Variants in LIPC observed in about 807,000 individuals in gnomAD.
The protein encoded by LIPC is lipase C, hepatic type.
Under a neutral mutation model 50.7 loss-of-function variants are expected in LIPC, and 44 were observed. That is an observed-to-expected ratio of 0.87 (90% CI 0.68 to 1.11). The LOEUF is 1.11. Ranked by LOEUF, LIPC falls within the 50% of genes most tolerant of loss-of-function variation. The pLI, the probability that LIPC is intolerant of heterozygous loss-of-function variation, is 0.00. For synonymous variants in LIPC, 271 were observed against 256.4 expected, an observed-to-expected ratio of 1.06 and a Z score of -0.54; for missense variants, 697 against 648.2, an observed-to-expected ratio of 1.08 and a Z score of -0.82.
At chr15:58,560,720 A>G in intron 6 of LIPC, 144 bp from the exon 7 acceptor site, 1 of 600,292 alleles carries the variant, frequency 1.7e-6, no homozygotes, top group Non-Finnish European at 3.0e-6. Context: ...ACCACCATTT[A>G]GGAGCAAAAA....
chr15:58,515,524 A>G (rs1268257604), intron 1 of LIPC, among the ~76,000 whole-genome samples: 9 of 6,926 alleles, frequency 1.3e-3, no homozygotes, highest in Non-Finnish European at 3.5e-3. Flanking sequence ...GTCTTTGCAT[A>G]TACACACACA....
chr15:58,448,775 C>A (rs1260311775), intron 1 of LIPC, among the ~76,000 whole-genome samples: 1 of 152,220 alleles, frequency 6.6e-6, no homozygotes, highest in East Asian at 1.9e-4. Flanking sequence ...CATCACACAG[C>A]TAATATGGAT....
intron 1 of LIPC, among the ~76,000 whole-genome samples, chr15:58,467,238 A>T (rs1171255464): frequency 6.6e-6 from 1 of 152,132 alleles, no homozygotes; most frequent in Admixed American, 6.6e-5. Context: ...TGATCACCTG[A>T]CCCACTCATC....
In LIPC at chr15:58,554,982, A is replaced by G. The variant is rs374211696; in HGVS notation, c.1052-5882A>G. 2.6e-5 allele frequency among the ~76,000 whole-genome samples: 4 copies of G among 152,316 alleles called. No individual in the cohort carries two copies. In the South Asian group the frequency reaches 8.3e-4, roughly 32 times the overall value. ...CGTTCCCTGGTGAGCCTCAGAAAGC[A>G]TGCTGGCTTGGCTCTTCACAGCCCA... is the stretch of plus-strand genomic sequence containing the variant. On this transcript the variant is annotated intron_variant, in intron 6 of 8. Coordinates refer to ENST00000299022, the MANE Select transcript of LIPC (RefSeq NM_000236.3).
chr15:58,495,693 A>G (rs1403432267), intron 1 of LIPC, among the ~76,000 whole-genome samples: 1 of 152,220 alleles, frequency 6.6e-6, no homozygotes, highest in Non-Finnish European at 1.5e-5. Flanking sequence ...GCCAGGATTC[A>G]TGCCCAAGCA....
At chr15:58,499,828 G>A (rs1340752095) in intron 1 of LIPC, among the ~76,000 whole-genome samples, 1 of 152,180 alleles carries the variant, frequency 6.6e-6, no homozygotes, top group East Asian at 1.9e-4. Context: ...GGAAAACTGT[G>A]TCCTGGGGAG....
chr15:58,463,668 G>A (rs1010634349), intron 1 of LIPC, among the ~76,000 whole-genome samples: 8 of 152,064 alleles, frequency 5.3e-5, no homozygotes, highest in Non-Finnish European at 1.0e-4. Flanking sequence ...GTATTCACCC[G>A]CTCCACTCCC....
chr15:58,561,012 T>C lies in LIPC; in HGVS notation c.1169+31T>C, dbSNP rs77010273. 69,386 of 888,378 alleles carry C rather than the reference T, an allele frequency of 0.078. 3,929 individuals carry two copies. Among genetic ancestry groups the C allele is most frequent in the East Asian group, 0.31 (12,371 of 39,884 alleles). The allele number at this position is 888,378 out of a possible 1,614,324, so 55.0% of individuals were successfully genotyped here. On this transcript the variant is annotated intron_variant, in intron 7 of 8. Coordinates refer to ENST00000299022, the MANE Select transcript of LIPC (RefSeq NM_000236.3). ...TAGGAGGTGTAGCCCCCTAGGGTGA[T>C]GACACACTTATTTTTCTTGCAGAAC...
intron 6 of LIPC, among the ~76,000 whole-genome samples, chr15:58,550,659 T>C (rs1213678251): frequency 6.6e-6 from 1 of 151,978 alleles, no homozygotes; most frequent in Non-Finnish European, 1.5e-5. Flanking sequence ...AGACCACATT[T>C]GTGTCTCTTT....
At chr15:58,554,268 G>C (rs1335734050) in intron 6 of LIPC, among the ~76,000 whole-genome samples, 1 of 152,134 alleles carries the variant, frequency 6.6e-6, no homozygotes, top group Admixed American at 6.6e-5. Flanking sequence ...GCTGTAAATG[G>C]AGTTTCCCTG....
intron 1 of LIPC, among the ~76,000 whole-genome samples, chr15:58,460,484 G>A (rs892445830): frequency 3.3e-5 from 5 of 152,204 alleles, no homozygotes; most frequent in Non-Finnish European, 5.9e-5. Flanking sequence ...CTCGTACTGC[G>A]TGCCAGACAC....
At chr15:58,480,795 C>T (rs1411357999) in intron 1 of LIPC, among the ~76,000 whole-genome samples, 1 of 152,140 alleles carries the variant, frequency 6.6e-6, no homozygotes, top group Admixed American at 6.6e-5. Context: ...ATTCTTCTTC[C>T]AATGTGGCCC....
chr15:58,535,294 CA>C (rs1420183311), intron 1 of LIPC, among the ~76,000 whole-genome samples: 2 of 152,198 alleles, frequency 1.3e-5, no homozygotes, highest in Non-Finnish European at 2.9e-5. Context: ...AGTACCTAGC[CA>C]GGGGGCCTGG....
chr15:58,512,112 T>C (rs1453002008), intron 1 of LIPC, among the ~76,000 whole-genome samples: 1 of 151,944 alleles, frequency 6.6e-6, no homozygotes, highest in African/African-American at 2.4e-5. Flanking sequence ...TCTTTTTTTT[T>C]TTTGAGACGG....
In LIPC at chr15:58,541,811, C is replaced by G; in HGVS notation, c.300C>G (p.Ile100Met). The change falls in exon 3 of 9, where the codon ATC becomes ATG. Residue 100 changes from isoleucine to methionine, a missense_variant. Coordinates refer to ENST00000299022, the MANE Select transcript of LIPC (RefSeq NM_000236.3). The part of the protein sequence containing the change: ...WSVDGVLENW[I>M]WQMVAALKSQ... ...TGGACGGCGTGCTAGAAAACTGGAT[C>G]TGGCAGATGGTGGCCGCGCTGAAGT... 6.2e-7 allele frequency: 1 copy of G among 1,613,710 alleles called. No homozygotes were observed. The highest frequency in any genetic ancestry group is 1.3e-5 in the African/African-American group (1 of 75,046).
intron 1 of LIPC, among the ~76,000 whole-genome samples, chr15:58,469,745 A>G (rs1353627621): frequency 2.6e-5 from 4 of 152,160 alleles, no homozygotes; most frequent in Admixed American, 2.6e-4. Context: ...CCTACCCTCT[A>G]CTAAAAACGT....
intron 8 of LIPC, among the ~76,000 whole-genome samples, chr15:58,564,346 G>A (rs4288938): frequency 0.98 from 148,169 of 151,962 alleles, 72,350 homozygotes; most frequent in East Asian, 1. Flanking sequence ...TGGGTCACCC[G>A]AAAGAAATGC....
intron 1 of LIPC, among the ~76,000 whole-genome samples, chr15:58,440,371 C>T (rs1325687417): frequency 1.3e-5 from 2 of 152,184 alleles, no homozygotes; most frequent in Non-Finnish European, 2.9e-5. Flanking sequence ...AAAAACTTTC[C>T]AGTGACAAAT....
intron 1 of LIPC, among the ~76,000 whole-genome samples, chr15:58,471,267 G>A (rs12910602): frequency 0.11 from 16,696 of 147,768 alleles, 1,163 homozygotes; most frequent in Non-Finnish European, 0.17. Context: ...CTCCCGAGTA[G>A]CTGGGATTAC....
Sources: gnomAD v4.1 joint callset for allele counts (sites outside exome capture counted in the v4.1 genomes callset) on GRCh38, gnomAD v4.1.1 for gene constraint, MANE v1.5 for transcripts, NCBI Gene and HGNC (gene_info 2026-07-23, HGNC 2026-07-21) for gene names.